The following ITPRID1 variants were observed in gnomAD, a reference collection of about 807,000 sequenced individuals.
ITPRID1 encodes the protein ITPR interacting domain containing 1.
A neutral mutation model predicts 95.4 loss-of-function variants in ITPRID1; 96 were observed. The observed-to-expected ratio is 1.01, with a 90% CI of 0.85 to 1.19. The LOEUF (loss-of-function observed/expected upper bound fraction) is 1.19, where lower values mean the gene tolerates loss of function less well. Ranked by LOEUF, ITPRID1 falls within the 50% of genes most tolerant of loss-of-function variation. The pLI is 0.00. For synonymous variants in ITPRID1, 510 were observed against 453.6 expected, an observed-to-expected ratio of 1.12 and a Z score of -1.58; for missense variants, 1,339 against 1,252.9, an observed-to-expected ratio of 1.07 and a Z score of -1.04.
At chr7:31,578,518 C>A in intron 9 of ITPRID1, 84 bp downstream of exon 9, 2 of 984,110 alleles carry the variant, frequency 2.0e-6, no homozygotes, top group South Asian at 1.9e-5. Context: ...CATTTCACCA[C>A]TTCATCTTTT....
chr7:31,563,180 AAAAC>A (rs777072438), intron 5 of ITPRID1, among the ~76,000 whole-genome samples: 3 of 152,338 alleles, frequency 2.0e-5, no homozygotes, highest in Non-Finnish European at 2.9e-5. Flanking sequence ...TGGTTTTTAA[AAAAC>A]AAAGAGGCAA....
intron 1 of ITPRID1, chr7:31,518,387 C>T (rs1783115797): frequency 6.6e-6 from 1 of 152,176 alleles, no homozygotes; most frequent in East Asian, 1.9e-4. Flanking sequence ...ATTTGTTATA[C>T]CAGCACAAGG....
intron 9 of ITPRID1, 39 bp from the exon 10 acceptor site, chr7:31,583,095 C>T (rs775173912): frequency 6.8e-7 from 1 of 1,480,978 alleles, no homozygotes; most frequent in Non-Finnish European, 9.4e-7. Flanking sequence ...ATTTATTTGA[C>T]AAAATTTCTA....
In ITPRID1 at chr7:31,583,206, A is replaced by G. The variant is rs770193649; in HGVS notation, c.1228+15A>G. 3.2e-6 allele frequency: 5 copies of G among 1,581,894 alleles called. No individual in the cohort carries two copies. In the South Asian group the frequency reaches 3.3e-5, roughly 11 times the overall value. ...AGGAACTGTAGGTAAGAATTCATCAAGGTGTGTGATCTCATCAATGGTCTT... is the reference window on the plus strand; with the variant it reads ...AGGAACTGTAGGTAAGAATTCATCAGGGTGTGTGATCTCATCAATGGTCTT... On this transcript the variant is annotated intron_variant, in intron 10 of 14. Coordinates refer to ENST00000615280, the MANE Select transcript of ITPRID1 (RefSeq NM_001257967.3).
intron 5 of ITPRID1, among the ~76,000 whole-genome samples, chr7:31,565,950 C>A (rs1359406427): frequency 6.6e-6 from 1 of 152,144 alleles, no homozygotes; most frequent in Admixed American, 6.5e-5. Flanking sequence ...TCATATGTGT[C>A]ATCAGACCAT....
At chr7:31,534,450 A>G (rs1469205681) in intron 1 of ITPRID1, among the ~76,000 whole-genome samples, 1 of 152,154 alleles carries the variant, frequency 6.6e-6, no homozygotes, top group East Asian at 1.9e-4. Context: ...GAGCTGTTTT[A>G]TTGTATTTTC....
intron 11 of ITPRID1, 58 bp downstream of exon 11, chr7:31,642,316 A>G: frequency 8.4e-7 from 1 of 1,188,662 alleles, no homozygotes; most frequent in Non-Finnish European, 1.2e-6. Context: ...CTTCAGCCCT[A>G]TCAACCAGGC....
At position 31,652,724 on chromosome 7, in the gene ITPRID1, G is replaced by A; in HGVS notation, c.3030G>A (p.Glu1010=). 1 of 1,613,936 alleles carries A rather than the reference G, an allele frequency of 6.2e-7. No individual in the cohort carries two copies. Residue 1010 remains glutamate (E), a synonymous_variant, in exon 15 of 15, where the codon GAG becomes GAA. Transcript: ENST00000615280. ...CTGCCTTCACTCCACCCACCTTGGA[G>A]AACAGCACCAGGATGTCTCCTTCAT... ...QLAAFTPPTL[E]NSTRMSPSSS...
In ITPRID1 at chr7:31,642,186, G is replaced by A; in HGVS notation, c.1239G>A (p.Val413=). ...TCTTTCATTCTGCAGGTGCCAGGGT[G>A]GACAGAGCAAATAGCTGCCAGTCTG... ...DMTSGTVGAR[V]DRANSCQSDS... The change falls in exon 11 of 15, where the codon GTG becomes GTA. Residue 413 remains valine, a synonymous_variant. Coordinates refer to ENST00000615280, the MANE Select transcript of ITPRID1 (RefSeq NM_001257967.3). The A allele has an allele frequency of 6.4e-7, 1 of 1,560,388 alleles. No individual in the cohort carries two copies. The highest frequency in any genetic ancestry group is 1.2e-5 in the South Asian group (1 of 84,426).
chr7:31,570,715 G>A (rs556679868), intron 6 of ITPRID1, among the ~76,000 whole-genome samples: 7 of 152,224 alleles, frequency 4.6e-5, no homozygotes, highest in Admixed American at 1.3e-4. Flanking sequence ...TGACCAACTC[G>A]TGCTTCCAGG....
chr7:31,633,783 A>G (rs1789230479), intron 10 of ITPRID1, among the ~76,000 whole-genome samples: 1 of 152,214 alleles, frequency 6.6e-6, no homozygotes, highest in Non-Finnish European at 1.5e-5. Context: ...AAAATAGTTA[A>G]AGTAGAATTG....
chr7:31,515,906 G>A (rs1278918460), intron 1 of ITPRID1, among the ~76,000 whole-genome samples: 1 of 152,184 alleles, frequency 6.6e-6, no homozygotes, highest in Non-Finnish European at 1.5e-5. Flanking sequence ...TTTTAACGAG[G>A]CTGAGCTTCT....
chr7:31,622,060 C>T (rs1481959319), intron 10 of ITPRID1, among the ~76,000 whole-genome samples: 4 of 141,178 alleles, frequency 2.8e-5, no homozygotes, highest in African/African-American at 1.1e-4. Context: ...GCTAACTATC[C>T]TAAATATATA....
chr7:31,524,915 T>C lies in ITPRID1; in HGVS notation c.-98+10795T>C, dbSNP rs190591726. On this transcript the variant is annotated intron_variant, in intron 1 of 14. Coordinates refer to ENST00000615280, the MANE Select transcript of ITPRID1 (RefSeq NM_001257967.3). ...CTCAGAGATTCAGCTCAATATGAAA[T>C]CTTTATTGAGATGAAATACAAAAGG... 2.8e-3 allele frequency among the ~76,000 whole-genome samples: 399 copies of C among 142,028 alleles called. 1 individual carries two copies. Among genetic ancestry groups the C allele is most frequent in the African/African-American group, 0.01 (371 of 36,222 alleles). 93.2% of individuals were successfully genotyped at this position (142,028 alleles called of 152,430 possible).
chr7:31,626,904 CAAAT>C (rs1788516920), intron 10 of ITPRID1, among the ~76,000 whole-genome samples: 1 of 152,196 alleles, frequency 6.6e-6, no homozygotes, highest in South Asian at 2.1e-4. Context: ...GTGGGATAAA[CAAAT>C]AAATATAGCA....
intron 10 of ITPRID1, among the ~76,000 whole-genome samples, chr7:31,599,331 T>C (rs889526935): frequency 1.3e-5 from 2 of 152,274 alleles, no homozygotes; most frequent in East Asian, 1.9e-4. Flanking sequence ...ATAAAGTATA[T>C]ATTAACCTTA....
chr7:31,546,509 A>G lies in ITPRID1; in HGVS notation c.-97-2917A>G, dbSNP rs1009032563. 3.9e-5 allele frequency among the ~76,000 whole-genome samples: 6 copies of G among 152,026 alleles called. No homozygotes were observed. The East Asian group carries it at 1.2e-3, about 29-fold the overall frequency. ...TTTTCTAATTCAGATCTACAATGCT[A>G]TATTTTCTGATGCTGTGTCCCTAAT... On this transcript the variant is annotated intron_variant, in intron 1 of 14. Coordinates refer to ENST00000615280, the MANE Select transcript of ITPRID1 (RefSeq NM_001257967.3).
At chr7:31,558,671 C>G (rs556504052) in intron 5 of ITPRID1, among the ~76,000 whole-genome samples, 1 of 152,090 alleles carries the variant, frequency 6.6e-6, no homozygotes, top group South Asian at 2.1e-4. Flanking sequence ...TATATTCTCA[C>G]CTCAGAAAGA....
rs766085069 is a variant in ITPRID1, at chr7:31,574,524, A to G, written c.396-16A>G. On this transcript the variant is annotated splice_polypyrimidine_tract_variant and intron_variant, in intron 7 of 14. Coordinates refer to ENST00000615280, the MANE Select transcript of ITPRID1 (RefSeq NM_001257967.3). ...TAACTGTTTCTGGATAAAGATATTC[A>G]TATTTTTTACCACAGCATTCCTGAA... 1.2e-6 allele frequency: 2 copies of G among 1,609,464 alleles called. No homozygotes were observed. The highest frequency in any genetic ancestry group is 1.7e-6 in the Non-Finnish European group (2 of 1,176,144).
Sources: allele counts gnomAD v4.1 joint callset (sites outside exome capture counted in the v4.1 genomes callset), GRCh38; gene constraint gnomAD v4.1.1; transcripts MANE v1.5; gene names NCBI Gene and HGNC (gene_info 2026-07-23, HGNC 2026-07-21).